NTRK3: variants seen among roughly 807,000 people sequenced by gnomAD.
The protein encoded by NTRK3 is NT-3 growth factor receptor.
In NTRK3, 24 loss-of-function variants were observed where a neutral mutation model predicts 91.7. The observed-to-expected ratio is 0.26, with a 90% CI of 0.19 to 0.37. NTRK3 has a LOEUF of 0.37. Among genes scored for constraint, NTRK3 ranks in the 10% least tolerant of loss-of-function variants. NTRK3 has a pLI of 1.00. For synonymous variants in NTRK3, 483 were observed against 404.0 expected, an observed-to-expected ratio of 1.20 and a Z score of -2.34; for missense variants, 880 against 1,068.9, an observed-to-expected ratio of 0.82 and a Z score of 2.46.
chr15:88,059,194 C>A (rs370540375), intron 13 of NTRK3, among the ~76,000 whole-genome samples: 83 of 152,242 alleles, frequency 5.5e-4, no homozygotes, highest in African/African-American at 1.8e-3. Context: ...TTGATGAGCA[C>A]CCGATATCAA....
At chr15:88,201,086 G>T (rs2048266386) in intron 3 of NTRK3, among the ~76,000 whole-genome samples, 1 of 152,112 alleles carries the variant, frequency 6.6e-6, no homozygotes, top group South Asian at 2.1e-4. Flanking sequence ...TTAATTTTCG[G>T]TTAACAACAG....
chr15:88,085,715 T>C (rs1043737344), intron 13 of NTRK3, among the ~76,000 whole-genome samples: 3 of 152,230 alleles, frequency 2.0e-5, no homozygotes, highest in Non-Finnish European at 4.4e-5. Context: ...CAAATATGCA[T>C]TGAGCCAGCC....
intron 17 of NTRK3, among the ~76,000 whole-genome samples, chr15:87,905,310 A>C (rs2066698892): frequency 6.6e-6 from 1 of 152,196 alleles, no homozygotes; most frequent in African/African-American, 2.4e-5. Context: ...TCACAAAAAG[A>C]AAACTGGAGA....
chr15:88,087,890 A>C (rs2048654683), intron 13 of NTRK3, among the ~76,000 whole-genome samples: 1 of 152,144 alleles, frequency 6.6e-6, no homozygotes, highest in Admixed American at 6.5e-5. Flanking sequence ...CTCTACTAAA[A>C]AGTGCAAAAA....
At chr15:88,187,803 G>A (rs1252466913) in intron 3 of NTRK3, among the ~76,000 whole-genome samples, 1 of 151,844 alleles carries the variant, frequency 6.6e-6, no homozygotes, top group East Asian at 1.9e-4. Context: ...GTATGGTGGT[G>A]GGCGCCTGTA....
chr15:88,214,181 T>C (rs1284357869), intron 3 of NTRK3, among the ~76,000 whole-genome samples: 1 of 152,136 alleles, frequency 6.6e-6, no homozygotes, highest in African/African-American at 2.4e-5. Context: ...TATCACAAAC[T>C]GTGTGGCTTA....
chr15:88,128,624 G>T (rs2053524837), intron 11 of NTRK3, 87 bp downstream of exon 11: 5 of 1,376,738 alleles, frequency 3.6e-6, no homozygotes, highest in Non-Finnish European at 5.2e-6. Flanking sequence ...GGATGATGTG[G>T]AATAGGAGAG....
At chr15:87,865,327 C>A (rs1320086782) in exon 19 of NTRK3, 2 of 210,510 alleles carry the variant, frequency 9.5e-6, no homozygotes, top group Non-Finnish European at 1.9e-5. Context: ...CTTGTCATCA[C>A]AAACACCTGG....
intron 14 of NTRK3, among the ~76,000 whole-genome samples, chr15:87,965,637 G>A (rs998834083): frequency 2.6e-5 from 4 of 152,330 alleles, no homozygotes; most frequent in Middle Eastern, 3.4e-3. Context: ...ACCAGGCAGT[G>A]GAGTCAGGAT....
intron 17 of NTRK3, among the ~76,000 whole-genome samples, chr15:87,889,441 G>A (rs912226774): frequency 6.9e-5 from 7 of 101,846 alleles, no homozygotes; most frequent in African/African-American, 2.8e-4. Flanking sequence ...TCTCACTCTT[G>A]TTGCCCAGGC....
At chr15:88,127,359 G>A in intron 11 of NTRK3, 133 bp from the exon 12 acceptor site, 1 of 767,592 alleles carries the variant, frequency 1.3e-6, no homozygotes, top group South Asian at 1.5e-5. Flanking sequence ...CCAGGCTCTT[G>A]CAGTCTGCCT....
At chr15:87,945,450 C>T (rs936952219) in intron 14 of NTRK3, among the ~76,000 whole-genome samples, 1 of 152,188 alleles carries the variant, frequency 6.6e-6, no homozygotes, top group Non-Finnish European at 1.5e-5. Flanking sequence ...GGAGGTCTTC[C>T]AGCCTGCAGC....
At position 88,198,706 on chromosome 15, in the gene NTRK3, G is replaced by C. The variant is rs187539918; in HGVS notation, c.249-14407C>G. 1.4e-3 allele frequency among the ~76,000 whole-genome samples: 212 copies of C among 148,970 alleles called. 7 individuals carry two copies. The East Asian group carries it at 0.038, about 26-fold the overall frequency. ...CCATGCTCAGTTCTGCGCTCAGTAA[G>C]CATTCAGACCTTGCAGAAATTCCCA... On this transcript the variant is annotated intron_variant, in intron 3 of 18. Coordinates refer to ENST00000394480, the Ensembl canonical transcript of NTRK3.
intron 16 of NTRK3, among the ~76,000 whole-genome samples, chr15:87,931,675 G>A (rs1478408101): frequency 6.6e-6 from 1 of 152,214 alleles, no homozygotes; most frequent in East Asian, 1.9e-4. Flanking sequence ...AGAAGGCTTA[G>A]AACATCCCAC....
intron 14 of NTRK3, among the ~76,000 whole-genome samples, chr15:88,000,398 A>G (rs759173154): frequency 4.6e-5 from 7 of 152,310 alleles, no homozygotes; most frequent in Non-Finnish European, 7.4e-5. Flanking sequence ...TTTCTCTTAG[A>G]ATCATTTATG....
chr15:87,964,074 C>G (rs2072562396), intron 14 of NTRK3, among the ~76,000 whole-genome samples: 1 of 151,966 alleles, frequency 6.6e-6, no homozygotes, highest in Non-Finnish European at 1.5e-5. Flanking sequence ...AGGGATTATC[C>G]TAAAAAGTGC....
intron 16 of NTRK3, among the ~76,000 whole-genome samples, chr15:87,931,823 C>A (rs2068822042): frequency 6.6e-6 from 1 of 152,184 alleles, no homozygotes; most frequent in Non-Finnish European, 1.5e-5. Flanking sequence ...TTGAATGTCC[C>A]ACTTCAAGAG....
chr15:87,995,112 G>A (rs1448097669), intron 14 of NTRK3, among the ~76,000 whole-genome samples: 2 of 152,192 alleles, frequency 1.3e-5, no homozygotes, highest in Admixed American at 6.5e-5. Flanking sequence ...AGGTTTAGGA[G>A]AACAAAAGTC....
At chr15:88,008,095 G>A (rs533984249) in intron 14 of NTRK3, among the ~76,000 whole-genome samples, 1 of 152,230 alleles carries the variant, frequency 6.6e-6, no homozygotes, top group South Asian at 2.1e-4. Flanking sequence ...GTCCCCTGAA[G>A]CAAAGTAACT....
Sources: allele counts gnomAD v4.1 joint callset (sites outside exome capture counted in the v4.1 genomes callset), GRCh38; gene constraint gnomAD v4.1.1; transcripts MANE v1.5; gene names NCBI Gene and HGNC (gene_info 2026-07-23, HGNC 2026-07-21).